The following CDH12 variants were observed in gnomAD, a reference collection of about 807,000 sequenced individuals.
The protein encoded by CDH12 is cadherin-12.
Under a neutral mutation model 74.1 loss-of-function variants are expected in CDH12, and 41 were observed. That is an observed-to-expected ratio of 0.55 (90% confidence interval 0.43 to 0.72). The LOEUF is 0.72. Ranked by LOEUF, CDH12 falls within the 30% of genes least tolerant of loss-of-function variation. CDH12 has a pLI of 0.00. For missense variants in CDH12, 945 were observed against 977.2 expected (o/e 0.97, Z 0.44); for synonymous variants, 399 against 355.0 (o/e 1.12, Z -1.39).
rs533728201 is a variant in CDH12 at position 22,457,005 on chromosome 5, T to C, written c.-428+48265A>G. ...TTTCTTAAAAAAAAGAAAATCAAGG[T>C]TAATTTATCTCCTGAAAATACTGAG... On this transcript the variant is annotated intron_variant, in intron 2 of 14. Transcript: ENST00000382254. 2.6e-5 allele frequency among the ~76,000 whole-genome samples: 4 copies of C among 152,106 alleles called. No homozygotes were observed. In the South Asian group the frequency reaches 6.3e-4, roughly 24 times the overall value.
At chr5:22,226,877 G>A (rs150151968) in intron 3 of CDH12, among the ~76,000 whole-genome samples, 58 of 152,066 alleles carry the variant, frequency 3.8e-4, no homozygotes, top group African/African-American at 1.3e-3. Flanking sequence ...GTGCTTTCAC[G>A]GCTTAGAACT....
chr5:22,578,240 C>T (rs1405081872), intron 1 of CDH12, among the ~76,000 whole-genome samples: 4 of 152,042 alleles, frequency 2.6e-5, no homozygotes, highest in Non-Finnish European at 5.9e-5. Context: ...CTCTAAGTAT[C>T]AATGTTTTCC....
Position 22,369,361 on chromosome 5 carries a change from A to T in CDH12, c.-333+35896T>A, listed in dbSNP as rs189740494. Among the ~76,000 whole-genome samples, 135 of 139,682 alleles carry T rather than the reference A, an allele frequency of 9.7e-4. 1 individual carries two copies. Among genetic ancestry groups the T allele is most frequent in the African/African-American group, 3.9e-3 (129 of 32,724 alleles). 91.6% of individuals were successfully genotyped at this position (139,682 alleles called of 152,430 possible). A position where few individuals can be genotyped will look rare whatever the true frequency, so the allele number is the denominator to read the frequency against. On this transcript the variant is annotated intron_variant, in intron 3 of 14. Transcript: ENST00000382254. ...GAAAAATACTTTCTAATAACTCAGA[A>T]AAAAAATAGACTTTCTTTAAAGACA...
chr5:22,179,777 A>T (rs749900360), intron 4 of CDH12, among the ~76,000 whole-genome samples: 1 of 152,206 alleles, frequency 6.6e-6, no homozygotes. Flanking sequence ...TTGGCCTTCC[A>T]TCTATTAATT....
chr5:22,200,849 T>G (rs555929737), intron 4 of CDH12, among the ~76,000 whole-genome samples: 93 of 152,324 alleles, frequency 6.1e-4, no homozygotes, highest in Middle Eastern at 6.8e-3. Context: ...AATATAGTAG[T>G]GAATGACACA....
chr5:22,781,046 A>G (rs905928092), intron 1 of CDH12, among the ~76,000 whole-genome samples: 2 of 152,200 alleles, frequency 1.3e-5, no homozygotes, highest in East Asian at 1.9e-4. Context: ...AAGAATGACT[A>G]TTTGAATGAA....
At chr5:22,417,231 A>G (rs1245639593) in intron 2 of CDH12, among the ~76,000 whole-genome samples, 1 of 152,218 alleles carries the variant, frequency 6.6e-6, no homozygotes. Flanking sequence ...TTCAGGTGCT[A>G]TGGTTTCAAT....
intron 6 of CDH12, among the ~76,000 whole-genome samples, chr5:21,860,747 G>A (rs1174665706): frequency 6.6e-6 from 1 of 151,912 alleles, no homozygotes; most frequent in Admixed American, 6.6e-5. Context: ...TTGGACTCTT[G>A]GACATACACC....
At chr5:22,272,836 G>T (rs1024342442) in intron 3 of CDH12, among the ~76,000 whole-genome samples, 7 of 152,122 alleles carry the variant, frequency 4.6e-5, no homozygotes, top group Non-Finnish European at 8.8e-5. Context: ...ACTCAAGACT[G>T]GGTAATTTAC....
At chr5:22,612,908 T>A (rs1426658065) in intron 1 of CDH12, among the ~76,000 whole-genome samples, 1 of 152,134 alleles carries the variant, frequency 6.6e-6, no homozygotes, top group African/African-American at 2.4e-5. Flanking sequence ...TTGGCCAGAT[T>A]AAGACAGAGG....
intron 1 of CDH12, among the ~76,000 whole-genome samples, chr5:22,805,832 C>T (rs758095804): frequency 2.6e-5 from 4 of 152,034 alleles, no homozygotes; most frequent in East Asian, 1.9e-4. Flanking sequence ...CGACAGGCCC[C>T]GGTGTGTGAT....
At chr5:22,006,188 T>A (rs1174385516) in intron 5 of CDH12, among the ~76,000 whole-genome samples, 5 of 148,738 alleles carry the variant, frequency 3.4e-5, no homozygotes, top group Non-Finnish European at 7.4e-5. Context: ...CTTCTTTTAA[T>A]TTTTTTTTTA....
rs548538277 is a variant in CDH12 at position 22,796,153 on chromosome 5, A to G, written c.-523+56905T>C. Reference sequence around the variant, plus strand: ...ATTGTGAAAGGTGTTGCAATAATATACAAGTGCTGATATCTCTTTCGAATA... The same window carrying G: ...ATTGTGAAAGGTGTTGCAATAATATGCAAGTGCTGATATCTCTTTCGAATA... On this transcript the variant is annotated intron_variant, in intron 1 of 14. Transcript: ENST00000382254. Among the ~76,000 whole-genome samples the G allele has an allele frequency of 3.9e-4, 59 of 152,308 alleles. 1 individual carries two copies. In the South Asian group the frequency reaches 0.012, roughly 31 times the overall value.
chr5:22,647,118 G>A (rs1265372796), intron 1 of CDH12, among the ~76,000 whole-genome samples: 1 of 151,706 alleles, frequency 6.6e-6, no homozygotes, highest in East Asian at 1.9e-4. Flanking sequence ...AAATTGGATA[G>A]AAACCTAGAT....
chr5:22,234,125 A>G (rs1435309930), intron 3 of CDH12, among the ~76,000 whole-genome samples: 2 of 152,326 alleles, frequency 1.3e-5, no homozygotes, highest in East Asian at 1.9e-4. Flanking sequence ...TTGTCTGCAA[A>G]TATCTTTTTA....
At chr5:22,583,178 A>C (rs1440018657) in intron 1 of CDH12, among the ~76,000 whole-genome samples, 1 of 152,194 alleles carries the variant, frequency 6.6e-6, no homozygotes, top group East Asian at 1.9e-4. Context: ...AGGATTTCTC[A>C]ATAGCTATCT....
chr5:22,552,921 A>C (rs914802798), intron 1 of CDH12, among the ~76,000 whole-genome samples: 2 of 152,172 alleles, frequency 1.3e-5, no homozygotes. Flanking sequence ...AAGAACTAAA[A>C]TAAATTTAAA....
chr5:22,281,180 A>C (rs1214332931), intron 3 of CDH12, among the ~76,000 whole-genome samples: 1 of 152,220 alleles, frequency 6.6e-6, no homozygotes, highest in East Asian at 1.9e-4. Flanking sequence ...ACAGCCCTTC[A>C]TGCTAAAAAC....
Position 21,796,711 on chromosome 5 carries a change from T to C in CDH12, c.1256+5456A>G, listed in dbSNP as rs149645894. Among the ~76,000 whole-genome samples the C allele has an allele frequency of 4.3e-3, 648 of 152,232 alleles. 5 individuals are homozygous for C. Among genetic ancestry groups the C allele is most frequent in the African/African-American group, 0.015 (621 of 41,564 alleles). Reference sequence around the variant, plus strand: ...ATTTATTCCAAGGATAACAGACTTTTATACGTTTGGAACAAAAGAAAAGTG... The same window carrying C: ...ATTTATTCCAAGGATAACAGACTTTCATACGTTTGGAACAAAAGAAAAGTG... On this transcript the variant is annotated intron_variant, in intron 10 of 14. Transcript: ENST00000382254.
Sources: allele counts gnomAD v4.1 joint callset (sites outside exome capture counted in the v4.1 genomes callset), GRCh38; gene constraint gnomAD v4.1.1; transcripts MANE v1.5; gene names NCBI Gene and HGNC (gene_info 2026-07-23, HGNC 2026-07-21).